The following PEX14 variants were observed in gnomAD, a reference collection of about 807,000 sequenced individuals.
PEX14 encodes the protein peroxisomal membrane protein PEX14.
PEX14 carries 15 observed loss-of-function variants against 49.5 expected under a neutral mutation model. That is an observed-to-expected ratio of 0.30 (90% CI 0.20 to 0.47). The LOEUF (loss-of-function observed/expected upper bound fraction) is 0.47. Ranked by LOEUF, PEX14 falls within the 20% of genes least tolerant of loss-of-function variation. The pLI, the probability that PEX14 is intolerant of heterozygous loss-of-function variation, is 1.00. For missense variants in PEX14, 398 were observed against 494.8 expected, an observed-to-expected ratio of 0.80 and a Z score of 1.86; for synonymous variants, 210 against 212.7, an observed-to-expected ratio of 0.99 and a Z score of 0.11.
intron 3 of PEX14, among the ~76,000 whole-genome samples, chr1:10,555,676 C>G (rs541001371): frequency 7.4e-6 from 1 of 134,358 alleles, no homozygotes; most frequent in African/African-American, 2.8e-5. Flanking sequence ...TGCATGCACC[C>G]GTGAGGGTGA....
intron 3 of PEX14, among the ~76,000 whole-genome samples, chr1:10,551,651 T>C (rs1289165330): frequency 1.3e-5 from 2 of 152,220 alleles, no homozygotes; most frequent in African/African-American, 4.8e-5. Context: ...AGAATATACA[T>C]GTGTAGTTAG....
intron 2 of PEX14, among the ~76,000 whole-genome samples, chr1:10,527,342 C>T (rs1325341136): frequency 3.3e-5 from 5 of 150,784 alleles, no homozygotes; most frequent in Admixed American, 2.6e-4. Context: ...CATGGTGAAA[C>T]CCTGTCTCTA....
chr1:10,560,420 A>G (rs913624052), intron 3 of PEX14, among the ~76,000 whole-genome samples: 5 of 151,546 alleles, frequency 3.3e-5, no homozygotes, highest in Admixed American at 6.6e-5. Context: ...TGAACACCCA[A>G]TTACCTTTTC....
chr1:10,617,328 G>C (rs972279586), intron 4 of PEX14, among the ~76,000 whole-genome samples: 3 of 151,878 alleles, frequency 2.0e-5, no homozygotes, highest in South Asian at 2.1e-4. Flanking sequence ...CCCCACTTCT[G>C]ACCACCCTCA....
chr1:10,482,675 A>T (rs1237127415), intron 1 of PEX14, among the ~76,000 whole-genome samples: 1 of 151,810 alleles, frequency 6.6e-6, no homozygotes, highest in Non-Finnish European at 1.5e-5. Context: ...CTCATGATCC[A>T]CCTGCCTTGG....
intron 3 of PEX14, among the ~76,000 whole-genome samples, chr1:10,588,858 GA>G (rs937443742): frequency 5.9e-5 from 9 of 151,740 alleles, no homozygotes; most frequent in Non-Finnish European, 8.8e-5. Context: ...AATAAGGAAA[GA>G]AAAAAAATCA....
At chr1:10,507,722 T>A (rs1026987020) in intron 2 of PEX14, among the ~76,000 whole-genome samples, 2 of 152,204 alleles carry the variant, frequency 1.3e-5, no homozygotes, top group African/African-American at 2.4e-5. Context: ...CCTGCAGGTC[T>A]CCAGGGAGTC....
Position 10,618,349 on chromosome 1 carries a change from T to C in PEX14, c.316T>C (p.Trp106Arg), listed in dbSNP as rs768462362. The C allele has an allele frequency of 6.2e-7, 1 of 1,613,964 alleles. No individual in the cohort carries two copies. The highest frequency in any genetic ancestry group is 1.1e-5 in the South Asian group (1 of 91,086). Residue 106 changes from tryptophan to arginine, a missense_variant, in exon 5 of 9, where the codon TGG becomes CGG. This residue lies in a region of PEX14 where 202 missense variants were observed against 298.5 expected (regional missense o/e 0.68). Transcript: ENST00000356607. ...GCCTGTAGGTCCCGCAGGCTCCCGA[T>C]GGCGAGATTACGGCGCCCTGGCCAT... The part of the protein sequence containing the change: ...SQPYSPAGSR[W>R]RDYGALAIIM...
At position 10,630,136 on chromosome 1, in the gene PEX14, G is replaced by A. The variant is rs960594853; in HGVS notation, c.*149G>A. 2 of 1,258,038 alleles carry A rather than the reference G, an allele frequency of 1.6e-6. No homozygotes were observed. Among genetic ancestry groups the A allele is most frequent in the Non-Finnish European group, 2.2e-6 (2 of 924,062 alleles). 77.9% of individuals were successfully genotyped at this position (1,258,038 alleles called of 1,614,324 possible). ...TCAGCTGCACTGCGGCCTGGTGGCA[G>A]TGTGGGGAGTCACACTTCTGTCCAC... On this transcript the variant is annotated 3_prime_UTR_variant, in exon 9 of 9. Transcript: ENST00000356607. This position sits in a 1 kb window ranked among gnomAD's most constrained non-coding sequence, Gnocchi z 4.1.
chr1:10,551,949 C>T lies in PEX14; in HGVS notation c.169+15652C>T, dbSNP rs1007210702. Among the ~76,000 whole-genome samples, 6 of 151,862 alleles carry T rather than the reference C, an allele frequency of 4.0e-5. 1 individual carries two copies. In the South Asian group the frequency reaches 8.3e-4, roughly 21 times the overall value. ...CTCTACTAAAAATACAAAAATTAGCCGGGTGTGGTGGCAGGCACCTGTAGT... is the reference window on the plus strand; with the variant it reads ...CTCTACTAAAAATACAAAAATTAGCTGGGTGTGGTGGCAGGCACCTGTAGT... On this transcript the variant is annotated intron_variant, in intron 3 of 8. Coordinates refer to ENST00000356607, the MANE Select transcript of PEX14 (RefSeq NM_004565.3).
Position 10,630,140 on chromosome 1 carries a change from G to C in PEX14, c.*153G>C. 4.1e-6 allele frequency: 5 copies of C among 1,223,872 alleles called. No individual in the cohort carries two copies. Among genetic ancestry groups the C allele is most frequent in the Non-Finnish European group, 5.6e-6 (5 of 893,484 alleles). The allele number at this position is 1,223,872 out of a possible 1,614,324, so 75.8% of individuals were successfully genotyped here. A position where few individuals can be genotyped will look rare whatever the true frequency, so the allele number is the denominator to read the frequency against. On this transcript the variant is annotated 3_prime_UTR_variant, in exon 9 of 9. Coordinates refer to ENST00000356607, the MANE Select transcript of PEX14 (RefSeq NM_004565.3). This position sits in a 1 kb window ranked among gnomAD's most constrained non-coding sequence, Gnocchi z 4.1. ...CTGCACTGCGGCCTGGTGGCAGTGTGGGGAGTCACACTTCTGTCCACCTGG... is the reference window on the plus strand; with the variant it reads ...CTGCACTGCGGCCTGGTGGCAGTGTCGGGAGTCACACTTCTGTCCACCTGG...
intron 4 of PEX14, among the ~76,000 whole-genome samples, chr1:10,615,448 A>C (rs1641385906): frequency 6.6e-6 from 1 of 152,252 alleles, no homozygotes; most frequent in Non-Finnish European, 1.5e-5. Flanking sequence ...AATTAGAACT[A>C]GAGTGAACTT....
chr1:10,475,188 CTT>C (rs912716046), intron 1 of PEX14, among the ~76,000 whole-genome samples, 186 bp downstream of exon 1: 12 of 151,590 alleles, frequency 7.9e-5, no homozygotes, highest in African/African-American at 2.9e-4. Context: ...GGTGACCCCT[CTT>C]TGACCACATT....
In PEX14 at chr1:10,559,132, A is replaced by G. The variant is rs551604526; in HGVS notation, c.169+22835A>G. Among the ~76,000 whole-genome samples, 132 of 152,138 alleles carry G rather than the reference A, an allele frequency of 8.7e-4. 1 individual carries two copies. Among genetic ancestry groups the G allele is most frequent in the South Asian group, 7.7e-3 (37 of 4,820 alleles). On this transcript the variant is annotated intron_variant, in intron 3 of 8. Coordinates refer to ENST00000356607, the MANE Select transcript of PEX14 (RefSeq NM_004565.3). The stretch of plus-strand genomic sequence containing the variant: ...CATTTTCCTTTTCCAATGTCGTATG[A>G]CTTTATTATTATTATTTTGACTGGC...
intron 4 of PEX14, among the ~76,000 whole-genome samples, chr1:10,612,959 TG>T (rs1458709310): frequency 2.6e-5 from 4 of 152,246 alleles, no homozygotes; most frequent in Non-Finnish European, 5.9e-5. Context: ...TGCCCATGCT[TG>T]GGCTGCCAGC....
chr1:10,499,659 G>A (rs1641634749), intron 2 of PEX14, among the ~76,000 whole-genome samples: 1 of 152,062 alleles, frequency 6.6e-6, no homozygotes, highest in East Asian at 1.9e-4. Flanking sequence ...ATGTTGGCCA[G>A]GATGGTCTGG....
At chr1:10,528,327 G>T in intron 2 of PEX14, 2 of 980,404 alleles carry the variant, frequency 2.0e-6, no homozygotes, top group South Asian at 4.7e-5. Context: ...CTGAAGCAGG[G>T]TTTCATCTGC....
In PEX14 at chr1:10,529,281, G is replaced by A. The variant is rs1177571556; in HGVS notation, c.85-6932G>A. ...ACTCCACAGCTCCTTCTGTGGCGTGGTGACCGTCACCCGCTGCATCAGCAG... is the reference window on the plus strand; with the variant it reads ...ACTCCACAGCTCCTTCTGTGGCGTGATGACCGTCACCCGCTGCATCAGCAG... On this transcript the variant is annotated intron_variant, in intron 2 of 8. Transcript: ENST00000356607. The surrounding 1 kb of genome is among the most constrained non-coding windows in gnomAD (Gnocchi z 4.2). Among the ~76,000 whole-genome samples, 1 of 152,204 alleles carries A rather than the reference G, an allele frequency of 6.6e-6. No homozygotes were observed. The highest frequency in any genetic ancestry group is 1.5e-5 in the Non-Finnish European group (1 of 68,038).
At chr1:10,563,381 T>A (rs1380225676) in intron 3 of PEX14, among the ~76,000 whole-genome samples, 1 of 127,202 alleles carries the variant, frequency 7.9e-6, no homozygotes, top group Non-Finnish European at 1.7e-5. Context: ...AGGCGGATCA[T>A]CTGAAGATGG....
Sources: gnomAD v4.1 joint callset for allele counts (sites outside exome capture counted in the v4.1 genomes callset) on GRCh38, gnomAD v4.1.1 for gene constraint, gnomAD v4.1.1 regional missense constraint, Gnocchi (gnomAD v3.1) non-coding constraint, MANE v1.5 for transcripts, NCBI Gene and HGNC (gene_info 2026-07-23, HGNC 2026-07-21) for gene names.